The following MLXIP variants were observed in gnomAD, a reference collection of about 807,000 sequenced individuals.
MLXIP encodes the protein MLX-interacting protein.
A neutral mutation model predicts 87.2 loss-of-function variants in MLXIP; 30 were observed. The ratio of observed to expected loss-of-function variants is 0.34; its 90% CI spans 0.26 to 0.47. The LOEUF (loss-of-function observed/expected upper bound fraction) is 0.47. MLXIP is among the 20% of genes least tolerant of loss of function. MLXIP has a pLI of 1.00. For synonymous variants in MLXIP, 530 were observed against 514.0 expected (o/e 1.03, Z -0.42); for missense variants, 1,002 against 1,240.1 (o/e 0.81, Z 2.88).
chr12:122,092,350 T>C (rs36165342), intron 1 of MLXIP, among the ~76,000 whole-genome samples: 77,032 of 151,956 alleles, frequency 0.51, 20,053 homozygotes, highest in Middle Eastern at 0.64. Flanking sequence ...TCATCTGCCA[T>C]GGCCTCCCAA....
intron 1 of MLXIP, among the ~76,000 whole-genome samples, chr12:122,098,914 C>T (rs944819043): frequency 2.6e-4 from 40 of 152,316 alleles, no homozygotes; most frequent in African/African-American, 9.6e-4. Context: ...GCAGGAGCAG[C>T]GGGAACAGCG....
Position 122,138,295 on chromosome 12 carries a change from G to T in MLXIP, c.2256G>T (p.Leu752=). 6.2e-7 allele frequency: 1 copy of T among 1,613,808 alleles called. No homozygotes were observed. ...GCCTCATCTCCAACAATTCCAAGCT[G>T]GTGAGTTGCCAAGAGCGTGGGCTGT... ...LNSLISNNSK[L]TSHAITLQKT... Residue 752 remains leucine, a splice_region_variant and synonymous_variant, in exon 13 of 17, where the codon CTG becomes CTT. Transcript: ENST00000319080.
chr12:122,117,923 A>G (rs944631912), intron 1 of MLXIP, among the ~76,000 whole-genome samples: 2 of 152,330 alleles, frequency 1.3e-5, no homozygotes, highest in African/African-American at 4.8e-5. Context: ...TGTTTTTACC[A>G]TAGATCTTAG....
In MLXIP at chr12:122,133,091, AG is replaced by A. The variant is rs1032622147; in HGVS notation, c.1093-255del. 2.7e-5 allele frequency: 11 copies of A among 414,742 alleles called. No homozygotes were observed. The highest frequency in any genetic ancestry group is 4.7e-5 in the Non-Finnish European group (11 of 234,800). 25.7% of individuals were successfully genotyped at this position (414,742 alleles called of 1,614,324 possible). A position where few individuals can be genotyped will look rare whatever the true frequency, so the allele number is the denominator to read the frequency against. ...TGGACTCCAGAAACAAGATATTCCC[AG>A]GCTGCTAGCCAGCTGTGTGAGGGCC... is the stretch of plus-strand genomic sequence containing the variant. On this transcript the variant is annotated intron_variant, in intron 8 of 16. Coordinates refer to ENST00000319080, the MANE Select transcript of MLXIP (RefSeq NM_014938.6). The surrounding 1 kb of genome is among the most constrained non-coding windows in gnomAD (Gnocchi z 4.9).
rs1441518552 is a variant in MLXIP at position 122,094,792 on chromosome 12, GTT to G, written c.413+15527_413+15528del. On this transcript the variant is annotated intron_variant, in intron 1 of 16. Transcript: ENST00000319080. ...TCTGTGGTGTTGGTGTGGGGTGTGT[GTT>G]ATGTGTGTGGTGTGTTGGTGTGTGT... Among the ~76,000 whole-genome samples, 3 of 142,038 alleles carry G rather than the reference GTT, an allele frequency of 2.1e-5. No homozygotes were observed. In the South Asian group the frequency reaches 7.0e-4, roughly 33 times the overall value. The allele number at this position is 142,038 out of a possible 152,430, so 93.2% of individuals were successfully genotyped here.
intron 1 of MLXIP, among the ~76,000 whole-genome samples, chr12:122,089,732 T>C (rs890642559): frequency 2.0e-5 from 3 of 152,258 alleles, no homozygotes; most frequent in Non-Finnish European, 4.4e-5. Context: ...ATCAGGTGTT[T>C]AGTGCATTTT....
intron 1 of MLXIP, among the ~76,000 whole-genome samples, chr12:122,085,979 G>A (rs1318511885): frequency 6.6e-6 from 1 of 152,164 alleles, no homozygotes; most frequent in East Asian, 1.9e-4. Context: ...GAGTGAGCCT[G>A]GTGTAATCAC....
intron 1 of MLXIP, among the ~76,000 whole-genome samples, chr12:122,093,790 CTG>C (rs1410426952): frequency 7.5e-5 from 7 of 92,892 alleles, no homozygotes; most frequent in Middle Eastern, 0.013. Flanking sequence ...TTTGCAGTGT[CTG>C]TGTGTGTCGG....
chr12:122,115,588 C>CAAAAA (rs35318582), intron 1 of MLXIP, among the ~76,000 whole-genome samples: 21 of 110,664 alleles, frequency 1.9e-4, no homozygotes, highest in Non-Finnish European at 2.4e-4. Context: ...AACTCCTTCT[C>CAAAAA]AAAAAAAAAA....
intron 1 of MLXIP, among the ~76,000 whole-genome samples, chr12:122,094,298 GGTGT>G (rs1952308221): frequency 7.2e-6 from 1 of 138,494 alleles, no homozygotes; most frequent in Non-Finnish European, 1.6e-5. Flanking sequence ...GTGGTGTGAT[GGTGT>G]GTGTGGTGTG....
intron 1 of MLXIP, among the ~76,000 whole-genome samples, chr12:122,098,383 G>A (rs1246710013): frequency 1.3e-5 from 2 of 152,220 alleles, no homozygotes; most frequent in Non-Finnish European, 2.9e-5. Flanking sequence ...GATTGAGGTT[G>A]GGGTGTGCTG....
rs1473066421 is a variant in MLXIP, at chr12:122,133,636, A to G, written c.1381A>G (p.Asn461Asp). Residue 461 changes from asparagine (N) to aspartate (D), a missense_variant, in exon 9 of 17, where the codon AAC (asparagine) becomes GAC (aspartate). Physicochemically the swap from Asn to Asp is conservative, Grantham distance 23. Transcript: ENST00000319080. The surrounding 1 kb of genome is among the most constrained non-coding windows in gnomAD (Gnocchi z 4.9). ...PLVPPPATAL[N>D]PPAPPTFHQP... is the part of the protein sequence containing the mutation. ...AGTTCCTCCTCCTGCCACTGCCCTG[A>G]ACCCCCCGGCTCCACCCACCTTCCA... is the stretch of plus-strand genomic sequence containing the variant. The G allele has an allele frequency of 6.2e-7, 1 of 1,611,304 alleles. No homozygotes were observed. The highest frequency in any genetic ancestry group is 1.1e-5 in the South Asian group (1 of 90,810).
Position 122,137,696 on chromosome 12 carries a change from T to C in MLXIP, c.2154+106T>C. On this transcript the variant is annotated intron_variant, in intron 12 of 16. Coordinates refer to ENST00000319080, the MANE Select transcript of MLXIP (RefSeq NM_014938.6). This position sits in a 1 kb window ranked among gnomAD's most constrained non-coding sequence, Gnocchi z 4.1. Reference sequence around the variant, plus strand: ...CGGAGACCTCAGACCCAGCCAGAGCTGCCCAGGCAGGGGTGGATCAGAAAT... The same window carrying C: ...CGGAGACCTCAGACCCAGCCAGAGCCGCCCAGGCAGGGGTGGATCAGAAAT... The C allele has an allele frequency of 1.3e-6, 2 of 1,527,302 alleles. No individual in the cohort carries two copies. Among genetic ancestry groups the C allele is most frequent in the South Asian group, 1.3e-5 (1 of 79,238 alleles). 94.6% of individuals were successfully genotyped at this position (1,527,302 alleles called of 1,614,324 possible).
chr12:122,114,547 G>A (rs1039792557), intron 1 of MLXIP, among the ~76,000 whole-genome samples: 1 of 152,110 alleles, frequency 6.6e-6, no homozygotes, highest in East Asian at 1.9e-4. Context: ...CTTTCCTCTG[G>A]AGGTTGGAAC....
intron 6 of MLXIP, among the ~76,000 whole-genome samples, chr12:122,130,585 G>A (rs1469547369): frequency 6.6e-6 from 1 of 151,796 alleles, no homozygotes; most frequent in Non-Finnish European, 1.5e-5. Flanking sequence ...GGAGGTCTCT[G>A]TTCTCTCTTG....
intron 1 of MLXIP, among the ~76,000 whole-genome samples, chr12:122,097,906 G>A (rs1952380070): frequency 1.3e-5 from 2 of 152,016 alleles, no homozygotes; most frequent in African/African-American, 4.8e-5. Flanking sequence ...AAAGAACCCA[G>A]TTAGCAGCTC....
In MLXIP at chr12:122,146,240, A is replaced by G. The variant is rs1011832454; in HGVS notation, c.*4428A>G. On this transcript the variant is annotated 3_prime_UTR_variant, in exon 17 of 17. Transcript: ENST00000319080. ...TGGGGGATTTTTACCTTGTCTGCACACTTGTCAGGGGAGAGGGGACAGCAA... is the reference window on the plus strand; with the variant it reads ...TGGGGGATTTTTACCTTGTCTGCACGCTTGTCAGGGGAGAGGGGACAGCAA... 7.2e-5 allele frequency: 11 copies of G among 152,422 alleles called. No homozygotes were observed. Among genetic ancestry groups the G allele is most frequent in the Admixed American group, 3.3e-4 (5 of 15,298 alleles). 9.4% of individuals were successfully genotyped at this position (152,422 alleles called of 1,614,324 possible).
intron 6 of MLXIP, among the ~76,000 whole-genome samples, 184 bp from the exon 7 acceptor site, chr12:122,130,660 T>C (rs1952961970): frequency 1.3e-5 from 2 of 151,988 alleles, no homozygotes; most frequent in South Asian, 4.2e-4. Context: ...TGGCAAAAAC[T>C]TACTTTCCTG....
intron 1 of MLXIP, among the ~76,000 whole-genome samples, chr12:122,109,758 A>G (rs767781167): frequency 2.0e-5 from 3 of 152,190 alleles, no homozygotes; most frequent in Non-Finnish European, 4.4e-5. Flanking sequence ...AGAGGATGCA[A>G]AGGAGAGATT....
Sources: gnomAD v4.1 joint callset for allele counts (sites outside exome capture counted in the v4.1 genomes callset) on GRCh38, gnomAD v4.1.1 for gene constraint, Gnocchi (gnomAD v3.1) non-coding constraint, MANE v1.5 for transcripts, NCBI Gene and HGNC (gene_info 2026-07-23, HGNC 2026-07-21) for gene names.